EHMT1: variants seen among roughly 807,000 people sequenced by gnomAD.
EHMT1 encodes the protein histone-lysine N-methyltransferase EHMT1.
EHMT1 carries 15 observed loss-of-function variants against 147.2 expected under a neutral mutation model. That is an observed-to-expected ratio of 0.10 (90% CI 0.07 to 0.16). EHMT1 has a LOEUF of 0.16. EHMT1 is among the 10% of genes least tolerant of loss of function. The probability of loss-of-function intolerance (pLI) is 1.00; values close to 1 mark genes in which losing one functional copy is unlikely to be tolerated. For missense variants in EHMT1, 1,587 were observed against 1,772.4 expected (o/e 0.90, Z 1.88); for synonymous variants, 795 against 709.6 (o/e 1.12, Z -1.91).
intron 18 of EHMT1, among the ~76,000 whole-genome samples, chr9:137,811,076 A>G (rs575700927): frequency 6.6e-6 from 1 of 151,990 alleles, no homozygotes; most frequent in South Asian, 2.1e-4. Context: ...CTATGACTAT[A>G]CCCCTGCTTG....
Position 137,697,548 on chromosome 9 carries a change from T to A in EHMT1, c.22-13419T>A, listed in dbSNP as rs576468279. Among the ~76,000 whole-genome samples the A allele has an allele frequency of 4.6e-5, 7 of 152,356 alleles. No individual in the cohort carries two copies. The South Asian group carries it at 1.4e-3, about 32-fold the overall frequency. On this transcript the variant is annotated intron_variant, in intron 1 of 26. Coordinates refer to ENST00000460843, the MANE Select transcript of EHMT1 (RefSeq NM_024757.5). The stretch of plus-strand genomic sequence containing the variant: ...CTGGTAACTTTAAAGATTTTTCTTT[T>A]AGCCTCATGTAGAAGGACACTTTTT...
chr9:137,651,215 C>G (rs780909551), intron 1 of EHMT1, among the ~76,000 whole-genome samples: 1 of 152,276 alleles, frequency 6.6e-6, no homozygotes, highest in East Asian at 1.9e-4. Context: ...TGTGTTTTCA[C>G]TTTCTTGATA....
chr9:137,774,949 G>A (rs1470891436), intron 10 of EHMT1, among the ~76,000 whole-genome samples, 160 bp from the exon 11 acceptor site: 2 of 152,190 alleles, frequency 1.3e-5, no homozygotes, highest in South Asian at 4.1e-4. Context: ...GCAGGTGCTC[G>A]ATAAGTGCTT....
At chr9:137,779,151 C>CTT (rs1483991810) in intron 13 of EHMT1, among the ~76,000 whole-genome samples, 1 of 152,228 alleles carries the variant, frequency 6.6e-6, no homozygotes, top group Non-Finnish European at 1.5e-5. Context: ...CAGTTATCAG[C>CTT]TTAGTCATCG....
chr9:137,663,030 G>A (rs1287354517), intron 1 of EHMT1, among the ~76,000 whole-genome samples: 1 of 151,338 alleles, frequency 6.6e-6, no homozygotes, highest in African/African-American at 2.4e-5. Context: ...CTGACCTCAG[G>A]CGATCACCTG....
At chr9:137,678,538 C>G (rs565597939) in intron 1 of EHMT1, among the ~76,000 whole-genome samples, 2 of 152,282 alleles carry the variant, frequency 1.3e-5, no homozygotes, top group East Asian at 3.9e-4. Flanking sequence ...TCCTGTCTCG[C>G]CGCGTTGGGA....
intron 25 of EHMT1, among the ~76,000 whole-genome samples, chr9:137,824,048 A>G (rs935198285): frequency 1.3e-5 from 2 of 152,118 alleles, no homozygotes; most frequent in Admixed American, 6.5e-5. Flanking sequence ...TCCATGTCCT[A>G]AGAATTCCAT....
chr9:137,647,174 G>T (rs189577488), intron 1 of EHMT1, among the ~76,000 whole-genome samples: 1 of 152,076 alleles, frequency 6.6e-6, no homozygotes, highest in Non-Finnish European at 1.5e-5. Flanking sequence ...AAATATTGAC[G>T]TGCCCGAAGT....
At chr9:137,724,055 A>C (rs942671311) in intron 3 of EHMT1, among the ~76,000 whole-genome samples, 1 of 152,162 alleles carries the variant, frequency 6.6e-6, no homozygotes, top group Admixed American at 6.5e-5. Context: ...TTTCCTTGTA[A>C]ATTGTGCCCA....
intron 1 of EHMT1, among the ~76,000 whole-genome samples, chr9:137,658,154 A>G (rs1203917714): frequency 6.6e-6 from 1 of 152,124 alleles, no homozygotes; most frequent in East Asian, 1.9e-4. Flanking sequence ...CTTCCTATCC[A>G]GAATGGTCTT....
intron 25 of EHMT1, among the ~76,000 whole-genome samples, chr9:137,820,287 C>T (rs1279191211): frequency 6.6e-6 from 1 of 152,236 alleles, no homozygotes; most frequent in African/African-American, 2.4e-5. Context: ...TGGCAACCTC[C>T]ATGTGTGCAT....
chr9:137,755,954 A>G (rs546867179), intron 8 of EHMT1, among the ~76,000 whole-genome samples: 1 of 152,324 alleles, frequency 6.6e-6, no homozygotes, highest in East Asian at 1.9e-4. Flanking sequence ...CAAGTCTTTT[A>G]TCAGGTGGAT....
intron 4 of EHMT1, among the ~76,000 whole-genome samples, chr9:137,740,654 T>C (rs977847156): frequency 7.5e-5 from 11 of 146,552 alleles, no homozygotes; most frequent in African/African-American, 3.0e-4. Flanking sequence ...AAGTCATCCA[T>C]AGATGTTTCT....
chr9:137,625,966 C>T lies in EHMT1; in HGVS notation c.21+6917C>T, dbSNP rs567801870. Among the ~76,000 whole-genome samples, 4 of 151,374 alleles carry T rather than the reference C, an allele frequency of 2.6e-5. No individual in the cohort carries two copies. In the East Asian group the frequency reaches 7.8e-4, roughly 29 times the overall value. Reference sequence around the variant, plus strand: ...TGCCTCCCGGGTTCAAGTGATTCTCCTGCCTCAGCCTCTCGAGTAGCTGGA... The same window carrying T: ...TGCCTCCCGGGTTCAAGTGATTCTCTTGCCTCAGCCTCTCGAGTAGCTGGA... On this transcript the variant is annotated intron_variant, in intron 1 of 26. Transcript: ENST00000460843.
At chr9:137,688,882 C>T (rs1379417600) in intron 1 of EHMT1, among the ~76,000 whole-genome samples, 1 of 152,120 alleles carries the variant, frequency 6.6e-6, no homozygotes, top group East Asian at 1.9e-4. Flanking sequence ...CCGCGGATGG[C>T]CGTGGTGACC....
chr9:137,764,583 T>C (rs1267719970), intron 10 of EHMT1: 1 of 152,258 alleles, frequency 6.6e-6, no homozygotes, highest in African/African-American at 2.4e-5. Flanking sequence ...GTGTTTCTAT[T>C]AAGATCAAAA....
intron 1 of EHMT1, among the ~76,000 whole-genome samples, chr9:137,671,541 T>TC (rs1478301360): frequency 8.1e-5 from 12 of 148,958 alleles, no homozygotes; most frequent in East Asian, 3.9e-4. Context: ...TTTTTTTTTT[T>TC]CGAGACAGAG....
At position 137,813,533 on chromosome 9, in the gene EHMT1, G is replaced by A. The variant is rs745608242; in HGVS notation, c.3180+3G>A. On this transcript the variant is annotated splice_donor_region_variant and intron_variant, in intron 21 of 26. Transcript: ENST00000460843. The surrounding 1 kb of genome is among the most constrained non-coding windows in gnomAD (Gnocchi z 4.9). The stretch of plus-strand genomic sequence containing the variant: ...ACAGAAATATCACTCATCTGCAGGT[G>A]AGTGACGGCAGATGAAGGGCTGACT... The A allele has an allele frequency of 1.2e-6, 2 of 1,613,768 alleles. No individual in the cohort carries two copies.
At chr9:137,833,242 C>G (rs928040576) in intron 25 of EHMT1, among the ~76,000 whole-genome samples, 2 of 152,214 alleles carry the variant, frequency 1.3e-5, no homozygotes, top group Non-Finnish European at 2.9e-5. Flanking sequence ...TCTCGGAACT[C>G]GGTCCTGGAA....
Sources: allele counts gnomAD v4.1 joint callset (sites outside exome capture counted in the v4.1 genomes callset), GRCh38; gene constraint gnomAD v4.1.1; non-coding constraint Gnocchi (gnomAD v3.1); transcripts MANE v1.5; gene names NCBI Gene and HGNC (gene_info 2026-07-23, HGNC 2026-07-21).